PHKB: variants seen among roughly 807,000 people sequenced by gnomAD.
PHKB encodes phosphorylase b kinase regulatory subunit beta.
A neutral mutation model predicts 152.1 loss-of-function variants in PHKB; 122 were observed. That is an observed-to-expected ratio of 0.80 (90% CI 0.69 to 0.93). The LOEUF is 0.93. Among genes scored for constraint, PHKB ranks in the 40% least tolerant of loss-of-function variants. The pLI is 0.00. For synonymous variants in PHKB, 436 were observed against 464.9 expected (o/e 0.94, Z 0.80); for missense variants, 1,304 against 1,328.4 (o/e 0.98, Z 0.29).
intron 1 of PHKB, among the ~76,000 whole-genome samples, chr16:47,482,059 A>G (rs1008997868): frequency 6.6e-6 from 1 of 152,254 alleles, no homozygotes; most frequent in African/African-American, 2.4e-5. Flanking sequence ...TATTCACTAA[A>G]GAATGAAAGC....
intron 18 of PHKB, among the ~76,000 whole-genome samples, chr16:47,650,063 G>C (rs564035854): frequency 5.3e-5 from 8 of 152,156 alleles, no homozygotes; most frequent in Admixed American, 2.6e-4. Context: ...TCTTCTGGAC[G>C]GCTGGCATGA....
At chr16:47,543,315 A>T (rs1301666351) in intron 6 of PHKB, among the ~76,000 whole-genome samples, 1 of 152,176 alleles carries the variant, frequency 6.6e-6, no homozygotes, top group African/African-American at 2.4e-5. Context: ...AATGATTCAC[A>T]TGTATTGAAC....
chr16:47,614,415 C>A (rs1283173915), intron 14 of PHKB, among the ~76,000 whole-genome samples: 2 of 152,098 alleles, frequency 1.3e-5, no homozygotes, highest in Non-Finnish European at 2.9e-5. Flanking sequence ...ATGGTGGTAC[C>A]TTTGTTTAAC....
intron 7 of PHKB, among the ~76,000 whole-genome samples, chr16:47,569,329 C>G (rs1211911887): frequency 6.6e-6 from 1 of 152,156 alleles, no homozygotes; most frequent in African/African-American, 2.4e-5. Context: ...TACTCCTGCT[C>G]TCTTTTGGTG....
Position 47,463,994 on chromosome 16 carries a change from G to A in PHKB, c.76+2568G>A, listed in dbSNP as rs769590253. 5.7e-6 allele frequency: 9 copies of A among 1,592,092 alleles called. No homozygotes were observed. The South Asian group carries it at 9.9e-5, about 18-fold the overall frequency. ...CCGTCTTCCGCTTTCTTAAGGTCTG[G>A]TAAGTGTTGTAGACCCCAAAAGGGT... is the stretch of plus-strand genomic sequence containing the variant. On this transcript the variant is annotated intron_variant, in intron 1 of 30. Coordinates refer to ENST00000323584, the MANE Select transcript of PHKB (RefSeq NM_000293.3).
intron 26 of PHKB, among the ~76,000 whole-genome samples, chr16:47,680,897 G>A (rs981162763): frequency 4.6e-5 from 7 of 152,072 alleles, no homozygotes; most frequent in Non-Finnish European, 8.8e-5. Context: ...GCTTCCTCTT[G>A]TGGGCATTTA....
In PHKB at chr16:47,688,985, A is replaced by C. The variant is rs944857529; in HGVS notation, c.2631-56A>C. 2.5e-6 allele frequency: 4 copies of C among 1,594,260 alleles called. No individual in the cohort carries two copies. The African/African-American group carries it at 5.4e-5, about 21-fold the overall frequency. On this transcript the variant is annotated intron_variant, in intron 26 of 30. Transcript: ENST00000323584. ...TATTAAGGGCATTGCTGAGAGAAGCAGAAGGTGATTTTATTTCAAGAGTTA... is the reference window on the plus strand; with the variant it reads ...TATTAAGGGCATTGCTGAGAGAAGCCGAAGGTGATTTTATTTCAAGAGTTA...
rs528855526 is a variant in PHKB, at chr16:47,631,442, A to T, written c.1459-9593A>T. Among the ~76,000 whole-genome samples the T allele has an allele frequency of 5.9e-5, 9 of 152,360 alleles. No individual in the cohort carries two copies. The South Asian group carries it at 1.9e-3, about 32-fold the overall frequency. On this transcript the variant is annotated intron_variant, in intron 14 of 30. Transcript: ENST00000323584. ...TATTAATTCCTTAACATTCCAAACC[A>T]GACTACAAAACAAATGTAAGCAAGA...
intron 7 of PHKB, among the ~76,000 whole-genome samples, chr16:47,558,456 G>C (rs541766044): frequency 6.8e-4 from 103 of 152,310 alleles, no homozygotes; most frequent in Admixed American, 1.1e-3. Flanking sequence ...TAAATAGCTT[G>C]CTGTTGCCAG....
chr16:47,472,887 G>T (rs1005996313), intron 1 of PHKB, among the ~76,000 whole-genome samples: 2 of 151,270 alleles, frequency 1.3e-5, no homozygotes, highest in African/African-American at 4.9e-5. Context: ...CTACAGTGAG[G>T]TCGCACCACT....
intron 7 of PHKB, chr16:47,566,582 A>G (rs1412952290): frequency 2.0e-6 from 3 of 1,525,488 alleles, no homozygotes; most frequent in South Asian, 1.1e-5. Context: ...CTGTCACATC[A>G]TAGGGTAGGT....
chr16:47,504,891 CAG>C (rs1309766307), intron 4 of PHKB, among the ~76,000 whole-genome samples: 1 of 152,214 alleles, frequency 6.6e-6, no homozygotes, highest in Non-Finnish European at 1.5e-5. Flanking sequence ...GGCGGTGCCC[CAG>C]AGGTGGAGCA....
rs148238775 is a variant in PHKB at position 47,547,482 on chromosome 16, T to A, written c.644T>A (p.Val215Glu). The change falls in exon 7 of 31, where the codon GTG becomes GAG. Residue 215 changes from valine (V) to glutamate (E), a missense_variant. Val to Glu is a moderately radical substitution (Grantham distance 121, BLOSUM62 -2). Transcript: ENST00000323584. ...LVFCVERVYR[V>E]PDFGVWERGS... is the part of the protein sequence containing the mutation. ...TTTTGTGTGGAAAGAGTTTACCGTG[T>A]GCCTGACTTTGGTGTCTGGGAAAGA... is the stretch of plus-strand genomic sequence containing the variant. 1.2e-6 allele frequency: 2 copies of A among 1,613,250 alleles called. No individual in the cohort carries two copies. Among genetic ancestry groups the A allele is most frequent in the Non-Finnish European group, 1.7e-6 (2 of 1,179,222 alleles).
At chr16:47,589,718 A>C (rs372118385) in intron 10 of PHKB, among the ~76,000 whole-genome samples, 4 of 152,342 alleles carry the variant, frequency 2.6e-5, no homozygotes, top group South Asian at 4.1e-4. Flanking sequence ...CACCCCAAAA[A>C]AGTAAGAAGT....
chr16:47,660,788 A>G lies in PHKB; in HGVS notation c.2165A>G (p.Lys722Arg). Residue 722 changes from lysine (K) to arginine (R), a missense_variant, in exon 22 of 31, where the codon AAA (lysine) becomes AGA (arginine). Physicochemically the swap from Lys to Arg is conservative, Grantham distance 26. Coordinates refer to ENST00000323584, the MANE Select transcript of PHKB (RefSeq NM_000293.3). ...GTCAACATTAGTGAATGGAAGGACA[A>G]ACCCACCCACGAAATTCTTCAAAAA... ...PDVNISEWKDKPTHEILQKLN... is the reference protein window; with the variant it reads ...PDVNISEWKDRPTHEILQKLN... The G allele has an allele frequency of 1.2e-6, 2 of 1,614,042 alleles. No homozygotes were observed. Among genetic ancestry groups the G allele is most frequent in the Admixed American group, 1.7e-5 (1 of 60,010 alleles).
chr16:47,542,728 T>G (rs1971082815), intron 6 of PHKB, among the ~76,000 whole-genome samples: 1 of 152,224 alleles, frequency 6.6e-6, no homozygotes, highest in Non-Finnish European at 1.5e-5. Context: ...CCCTTGTAAG[T>G]TGGATTCCTG....
intron 7 of PHKB, chr16:47,561,551 C>T (rs1007694654): frequency 3.3e-5 from 5 of 152,196 alleles, no homozygotes; most frequent in Non-Finnish European, 5.9e-5. Flanking sequence ...TTTTGAGCTG[C>T]AGGAAGTGGA....
At chr16:47,526,170 G>C (rs1040356373) in intron 6 of PHKB, among the ~76,000 whole-genome samples, 1 of 152,176 alleles carries the variant, frequency 6.6e-6, no homozygotes, top group Non-Finnish European at 1.5e-5. Flanking sequence ...AGCACTTTGG[G>C]AGGCCAAGGC....
intron 14 of PHKB, among the ~76,000 whole-genome samples, chr16:47,614,783 A>G (rs567266763): frequency 1.3e-5 from 2 of 152,180 alleles, no homozygotes; most frequent in Admixed American, 1.3e-4. Flanking sequence ...TCATGGGATG[A>G]TGGATAGTCT....
Sources: allele counts gnomAD v4.1 joint callset (sites outside exome capture counted in the v4.1 genomes callset), GRCh38; gene constraint gnomAD v4.1.1; transcripts MANE v1.5; gene names NCBI Gene and HGNC (gene_info 2026-07-23, HGNC 2026-07-21).